Variants in FARP2 observed in about 807,000 individuals in gnomAD.
FARP2 encodes the protein FERM, ARH/RhoGEF and pleckstrin domain protein 2, also known as FERM, ARHGEF and pleckstrin domain-containing protein 2.
Under a neutral mutation model 130.5 loss-of-function variants are expected in FARP2, and 111 were observed. That is an observed-to-expected ratio of 0.85 (90% CI 0.73 to 1.00). The LOEUF is 1.00. Ranked by LOEUF, FARP2 falls within the 50% of genes least tolerant of loss-of-function variation. The probability of loss-of-function intolerance (pLI) is 0.00; values close to 1 mark genes in which losing one functional copy is unlikely to be tolerated. For synonymous variants in FARP2, 504 were observed against 516.9 expected (o/e 0.98, Z 0.34); for missense variants, 1,385 against 1,346.3 (o/e 1.03, Z -0.45).
chr2:241,462,068 C>T (rs1055332550), intron 14 of FARP2, among the ~76,000 whole-genome samples: 3 of 152,154 alleles, frequency 2.0e-5, no homozygotes, highest in Non-Finnish European at 4.4e-5. Flanking sequence ...AAAACTGGGC[C>T]CGGGGTATGT....
At chr2:241,399,746 A>C (rs549324654) in intron 2 of FARP2, among the ~76,000 whole-genome samples, 1 of 152,128 alleles carries the variant, frequency 6.6e-6, no homozygotes, top group South Asian at 2.1e-4. Flanking sequence ...TGGGGGAGCT[A>C]GTGTTTTTTG....
chr2:241,465,537 G>T (rs1000169603), intron 17 of FARP2: 120 of 1,550,428 alleles, frequency 7.7e-5, no homozygotes, highest in Non-Finnish European at 9.9e-5. Flanking sequence ...GGGCAGCACT[G>T]GGGGAAGTGA....
At chr2:241,493,922 C>T in intron 26 of FARP2, 86 bp from the exon 27 acceptor site, 1 of 856,812 alleles carries the variant, frequency 1.2e-6, no homozygotes, top group Non-Finnish European at 1.7e-6. Flanking sequence ...TTCTTTTGTC[C>T]TGCTTGTCCC....
chr2:241,358,215 A>G (rs1402082622), intron 1 of FARP2, among the ~76,000 whole-genome samples: 1 of 152,230 alleles, frequency 6.6e-6, no homozygotes, highest in Non-Finnish European at 1.5e-5. Flanking sequence ...AAATAAAAAA[A>G]GCTGTGTTAA....
intron 1 of FARP2, among the ~76,000 whole-genome samples, chr2:241,365,513 G>A (rs973897326): frequency 1.4e-4 from 22 of 152,128 alleles, no homozygotes; most frequent in African/African-American, 4.8e-4. Context: ...TTCAAATGAG[G>A]TCCTATATAT....
chr2:241,462,002 A>T (rs1283903663), intron 14 of FARP2, among the ~76,000 whole-genome samples: 2 of 152,200 alleles, frequency 1.3e-5, no homozygotes, highest in Non-Finnish European at 2.9e-5. Context: ...TTGGGCAGAG[A>T]TAGCCCTGCC....
chr2:241,387,209 G>A (rs1398054132), intron 2 of FARP2: 1 of 152,150 alleles, frequency 6.6e-6, no homozygotes, highest in African/African-American at 2.4e-5. Context: ...GTTTTTGAAA[G>A]ACGTACCCGA....
At chr2:241,384,702 C>G (rs1024425786) in intron 2 of FARP2, among the ~76,000 whole-genome samples, 1 of 152,076 alleles carries the variant, frequency 6.6e-6, no homozygotes, top group Non-Finnish European at 1.5e-5. Context: ...ATATTTGAAA[C>G]TGGTAAAGTC....
chr2:241,397,244 TTGA>T (rs1438127217), intron 2 of FARP2, among the ~76,000 whole-genome samples: 4 of 152,054 alleles, frequency 2.6e-5, no homozygotes, highest in Non-Finnish European at 5.9e-5. Flanking sequence ...AAATGACGAG[TTGA>T]TGGGTGCTGC....
chr2:241,464,102 C>G, intron 17 of FARP2, 122 bp downstream of exon 17: 1 of 753,524 alleles, frequency 1.3e-6, no homozygotes, highest in Non-Finnish European at 2.2e-6. Flanking sequence ...GAACAGGATC[C>G]CCCTCAGAGT....
intron 2 of FARP2, among the ~76,000 whole-genome samples, chr2:241,383,078 G>A (rs556141226): frequency 1.3e-5 from 2 of 152,342 alleles, no homozygotes; most frequent in South Asian, 4.1e-4. Context: ...ACACAGATGG[G>A]ATGTGGGTTT....
At chr2:241,439,733 G>A (rs974046307) in intron 12 of FARP2, among the ~76,000 whole-genome samples, 4 of 152,196 alleles carry the variant, frequency 2.6e-5, no homozygotes, top group Non-Finnish European at 4.4e-5. Context: ...AGGTCAAGGC[G>A]GGCAGATCTC....
chr2:241,453,639 T>G (rs897004416), intron 13 of FARP2, among the ~76,000 whole-genome samples: 1 of 151,676 alleles, frequency 6.6e-6, no homozygotes, highest in African/African-American at 2.4e-5. Context: ...AAAAAAGTAT[T>G]TATAATATTA....
intron 7 of FARP2, among the ~76,000 whole-genome samples, chr2:241,414,169 A>G (rs1003107522): frequency 2.0e-5 from 3 of 152,160 alleles, no homozygotes; most frequent in Non-Finnish European, 4.4e-5. Context: ...CCTGGCACCC[A>G]TGGCCTTCAT....
In FARP2 at chr2:241,434,254, C is replaced by T. The variant is rs1292786725; in HGVS notation, c.964C>T (p.Leu322Phe). ...ICVEYHTFFR[L>F]LDQPKPKAKA... ...TGTGGAGTATCACACCTTTTTTAGA[C>T]TTTTGGACCAACCTAAGCCAAAAGC... is the stretch of plus-strand genomic sequence containing the variant. The change falls in exon 10 of 27, where the codon CTT (leucine) becomes TTT (phenylalanine). Residue 322 changes from leucine (L) to phenylalanine (F), a missense_variant. Coordinates refer to ENST00000264042, the MANE Select transcript of FARP2 (RefSeq NM_014808.4). 2 of 1,613,972 alleles carry T rather than the reference C, an allele frequency of 1.2e-6. No homozygotes were observed. Among genetic ancestry groups the T allele is most frequent in the Admixed American group, 1.7e-5 (1 of 59,980 alleles).
intron 13 of FARP2, among the ~76,000 whole-genome samples, chr2:241,452,810 G>A (rs1474185436): frequency 6.6e-6 from 1 of 151,470 alleles, no homozygotes; most frequent in African/African-American, 2.4e-5. Flanking sequence ...GCATGGTGGC[G>A]GGCATGTGTA....
At position 241,494,604 on chromosome 2, in the gene FARP2, GT is replaced by G. The variant is rs2065053707; in HGVS notation, c.*480del. The G allele has an allele frequency of 6.6e-6, 1 of 152,356 alleles. No homozygotes were observed. Among genetic ancestry groups the G allele is most frequent in the Non-Finnish European group, 1.5e-5 (1 of 68,140 alleles). The allele number at this position is 152,356 out of a possible 1,614,324, so 9.4% of individuals were successfully genotyped here. ...CACAGCCATGCTGACCTTCCATCTGGTGAACCAAGTGGCAGCCCCAGGGGCC... is the reference window on the plus strand; with the variant it reads ...CACAGCCATGCTGACCTTCCATCTGGGAACCAAGTGGCAGCCCCAGGGGCC... On this transcript the variant is annotated 3_prime_UTR_variant, in exon 27 of 27. Coordinates refer to ENST00000264042, the MANE Select transcript of FARP2 (RefSeq NM_014808.4). This position sits in a 1 kb window ranked among gnomAD's most constrained non-coding sequence, Gnocchi z 4.9.
At chr2:241,457,156 G>T (rs536906135) in intron 14 of FARP2, among the ~76,000 whole-genome samples, 2 of 152,166 alleles carry the variant, frequency 1.3e-5, no homozygotes, top group East Asian at 3.9e-4. Flanking sequence ...GTACAAAAAC[G>T]AGTTTCCTTA....
rs1158557835 is a variant in FARP2 at position 241,451,879 on chromosome 2, C to T, written c.1412-4868C>T. 2.6e-5 allele frequency among the ~76,000 whole-genome samples: 4 copies of T among 152,034 alleles called. No homozygotes were observed. In the East Asian group the frequency reaches 5.8e-4, roughly 22 times the overall value. On this transcript the variant is annotated intron_variant, in intron 13 of 26. Coordinates refer to ENST00000264042, the MANE Select transcript of FARP2 (RefSeq NM_014808.4). ...AAGCGATTCTCCTACCTCAGCCTCC[C>T]GAGTAGCTAGAATTACAGGCATGCA... is the stretch of plus-strand genomic sequence containing the variant.
Sources: gnomAD v4.1 joint callset for allele counts (sites outside exome capture counted in the v4.1 genomes callset) on GRCh38, gnomAD v4.1.1 for gene constraint, Gnocchi (gnomAD v3.1) non-coding constraint, MANE v1.5 for transcripts, NCBI Gene and HGNC (gene_info 2026-07-23, HGNC 2026-07-21) for gene names.